The following PLCG2 variants were observed in gnomAD, a reference collection of about 807,000 sequenced individuals.
The protein encoded by PLCG2 is phospholipase C gamma 2.
In PLCG2, 69 loss-of-function variants were observed where a neutral mutation model predicts 175.6. The observed-to-expected ratio is 0.39, with a 90% CI of 0.32 to 0.48. The LOEUF is 0.48. Among genes scored for constraint, PLCG2 ranks in the 20% least tolerant of loss-of-function variants. PLCG2 has a pLI of 0.91. For synonymous variants in PLCG2, 827 were observed against 624.0 expected, an observed-to-expected ratio of 1.33 and a Z score of -4.85; for missense variants, 1,798 against 1,650.9, an observed-to-expected ratio of 1.09 and a Z score of -1.54.
At chr16:81,841,533 G>A (rs182557800) in intron 2 of PLCG2, among the ~76,000 whole-genome samples, 75 of 152,212 alleles carry the variant, frequency 4.9e-4, no homozygotes, top group African/African-American at 1.7e-3. Flanking sequence ...GAACCACTGC[G>A]CCCGGCTGTA....
intron 2 of PLCG2, among the ~76,000 whole-genome samples, chr16:81,841,783 C>G (rs912004031): frequency 6.6e-6 from 1 of 152,190 alleles, no homozygotes; most frequent in Non-Finnish European, 1.5e-5. Context: ...TGCTGTGTAT[C>G]TCACCTATTC....
At chr16:81,805,282 A>G (rs550089491) in intron 2 of PLCG2, among the ~76,000 whole-genome samples, 8 of 152,212 alleles carry the variant, frequency 5.3e-5, no homozygotes, top group East Asian at 1.9e-4. Flanking sequence ...GATGGATCAC[A>G]AGGTCAGGAG....
intron 2 of PLCG2, among the ~76,000 whole-genome samples, chr16:81,821,691 G>C (rs1283262603): frequency 6.6e-6 from 1 of 152,128 alleles, no homozygotes; most frequent in Non-Finnish European, 1.5e-5. Flanking sequence ...ATAAGCAGCG[G>C]GTGGTGAACA....
chr16:81,893,773 A>G lies in PLCG2; in HGVS notation c.1051A>G (p.Met351Val), dbSNP rs918993653. Residue 351 changes from methionine to valine, a missense_variant, in exon 12 of 33, where the codon ATG becomes GTG. Physicochemically the swap from Met to Val is conservative, Grantham distance 21 (BLOSUM62 1). Transcript: ENST00000564138. ...AGAAGCTTACATCCGCTGCCTGCGC[A>G]TGGGCTGTCGCTGCATTGAACGTGA... is the stretch of plus-strand genomic sequence containing the variant. ...SPEAYIRCLR[M>V]GCRCIELDCW... 5 of 1,611,792 alleles carry G rather than the reference A, an allele frequency of 3.1e-6. No homozygotes were observed. The highest frequency in any genetic ancestry group is 2.7e-5 in the African/African-American group (2 of 74,824).
chr16:81,884,187 C>G (rs931594714), intron 9 of PLCG2, among the ~76,000 whole-genome samples: 1 of 152,122 alleles, frequency 6.6e-6, no homozygotes, highest in Non-Finnish European at 1.5e-5. Context: ...CCCATCTCTA[C>G]TAAAAATACA....
At chr16:81,884,708 G>GT (rs147178971) in intron 9 of PLCG2, among the ~76,000 whole-genome samples, 24,426 of 150,404 alleles carry the variant, frequency 0.16, 3,585 homozygotes, top group African/African-American at 0.39. Context: ...TACTTCATTT[G>GT]TTTTTTTTTA....
intron 1 of PLCG2, chr16:81,783,015 C>G: frequency 2.3e-6 from 1 of 429,204 alleles, no homozygotes; most frequent in South Asian, 1.7e-5. Flanking sequence ...AGTTGATCCA[C>G]TGGGCTTCGA....
chr16:81,953,572 C>A (rs1911452007), intron 31 of PLCG2, among the ~76,000 whole-genome samples: 2 of 152,042 alleles, frequency 1.3e-5, no homozygotes, highest in Admixed American at 1.3e-4. Context: ...AAACTTATTA[C>A]CAAAAGCTTC....
chr16:81,776,313 G>T (rs1172711769), upstream of PLCG2, among the ~76,000 whole-genome samples: 4 of 151,572 alleles, frequency 2.6e-5, no homozygotes, highest in African/African-American at 9.7e-5. Flanking sequence ...TTTTCACCAT[G>T]TTAAGCAGGA....
intron 24 of PLCG2, among the ~76,000 whole-genome samples, chr16:81,930,577 C>T (rs191569028): frequency 7.9e-5 from 12 of 152,040 alleles, no homozygotes; most frequent in Non-Finnish European, 1.3e-4. Context: ...GGCGAAACCC[C>T]TCTCTACAAA....
intron 2 of PLCG2, among the ~76,000 whole-genome samples, chr16:81,844,143 A>ATTTTTTTTTTTTTT (rs60183943): frequency 3.2e-5 from 3 of 93,906 alleles, no homozygotes; most frequent in African/African-American, 4.1e-5. Context: ...CACCCGGCTG[A>ATTTTTTTTTTTTTT]TTTTTTTTTT....
At chr16:81,830,760 A>G (rs1214266654) in intron 2 of PLCG2, among the ~76,000 whole-genome samples, 2 of 151,696 alleles carry the variant, frequency 1.3e-5, no homozygotes, top group East Asian at 3.9e-4. Context: ...ACTCCAGAGG[A>G]CCCTGGAGGA....
In PLCG2 at chr16:81,961,921, T is replaced by G. The variant is rs554936328; in HGVS notation, c.*3923T>G. ...TCTGAGCATAAAATGTTAAGATTGC[T>G]GATCGGATGTGAGGGCGATCTGGCT... On this transcript the variant is annotated 3_prime_UTR_variant, in exon 33 of 33. Coordinates refer to ENST00000564138, the MANE Select transcript of PLCG2 (RefSeq NM_002661.5). 2.7e-4 allele frequency: 53 copies of G among 198,346 alleles called. No homozygotes were observed. The highest frequency in any genetic ancestry group is 4.0e-4 in the Non-Finnish European group (38 of 95,760). 12.3% of individuals were successfully genotyped at this position (198,346 alleles called of 1,614,324 possible). A position where few individuals can be genotyped will look rare whatever the true frequency, so the allele number is the denominator to read the frequency against.
rs571260612 is a variant in PLCG2, at chr16:81,899,700, G to A, written c.1194-912G>A. ...GAAGCACAGTGGTGAGGGCTGCCTG[G>A]TGTTCCTGAGCAGGAGAAGGCTGTG... On this transcript the variant is annotated intron_variant, in intron 13 of 32. Coordinates refer to ENST00000564138, the MANE Select transcript of PLCG2 (RefSeq NM_002661.5). Among the ~76,000 whole-genome samples the A allele has an allele frequency of 3.3e-5, 5 of 152,282 alleles. No homozygotes were observed. The South Asian group carries it at 1.0e-3, about 32-fold the overall frequency.
intron 30 of PLCG2, among the ~76,000 whole-genome samples, chr16:81,945,816 G>A (rs563350718): frequency 6.6e-6 from 1 of 152,256 alleles, no homozygotes; most frequent in South Asian, 2.1e-4. Context: ...AAATGGATGA[G>A]GATTCACTAC....
In PLCG2 at chr16:81,905,429, T is replaced by A. The variant is rs758552501; in HGVS notation, c.1389T>A (p.Asp463Glu). The A allele has an allele frequency of 6.2e-7, 1 of 1,613,938 alleles. No individual in the cohort carries two copies. The highest frequency in any genetic ancestry group is 8.5e-7 in the Non-Finnish European group (1 of 1,179,932). The change falls in exon 15 of 33, where the codon GAT becomes GAA. Residue 463 changes from aspartate (D) to glutamate (E), a missense_variant. Physicochemically the swap from Asp to Glu is conservative, Grantham distance 45. Coordinates refer to ENST00000564138, the MANE Select transcript of PLCG2 (RefSeq NM_002661.5). ...ATAAGAAGCTGGGCCCCCGAGGCGA[T>A]GTGGATGTCAACATGGAGGACAAGA... ...IKHKKLGPRG[D>E]VDVNMEDKKD...
chr16:81,872,985 G>C (rs1271224267), intron 7 of PLCG2, among the ~76,000 whole-genome samples: 7 of 152,348 alleles, frequency 4.6e-5, no homozygotes, highest in South Asian at 2.1e-4. Context: ...ATCTGAGTTA[G>C]AGAAATGGGA....
chr16:81,752,726 C>A (rs1909837604), intron 1 of PLCG2, among the ~76,000 whole-genome samples: 1 of 152,198 alleles, frequency 6.6e-6, no homozygotes, highest in South Asian at 2.1e-4. Flanking sequence ...TAGACGAGGC[C>A]CACTCCTTGC....
At chr16:81,836,640 C>G (rs1905532636) in intron 2 of PLCG2, among the ~76,000 whole-genome samples, 2 of 152,156 alleles carry the variant, frequency 1.3e-5, no homozygotes, top group Admixed American at 6.6e-5. Flanking sequence ...CCTTAGGAGA[C>G]TGAGGCAGGA....
Sources: gnomAD v4.1 joint callset for allele counts (sites outside exome capture counted in the v4.1 genomes callset) on GRCh38, gnomAD v4.1.1 for gene constraint, MANE v1.5 for transcripts, NCBI Gene and HGNC (gene_info 2026-07-23, HGNC 2026-07-21) for gene names.